The following RNF115 variants were observed in gnomAD, a reference collection of about 807,000 sequenced individuals.
The protein encoded by RNF115 is ring finger protein 115, also known as E3 ubiquitin-protein ligase RNF115.
A neutral mutation model predicts 39.2 loss-of-function variants in RNF115; 31 were observed. The ratio of observed to expected loss-of-function variants is 0.79; its 90% CI spans 0.59 to 1.07. The LOEUF (loss-of-function observed/expected upper bound fraction) is 1.07. RNF115 is among the 50% of genes least tolerant of loss of function. The pLI, the probability that RNF115 is intolerant of heterozygous loss-of-function variation, is 0.00. For synonymous variants in RNF115, 124 were observed against 131.0 expected, an observed-to-expected ratio of 0.95 and a Z score of 0.37; for missense variants, 384 against 381.7, an observed-to-expected ratio of 1.01 and a Z score of -0.05.
At chr1:145,775,858 C>T (rs1647860847) in intron 3 of RNF115, among the ~76,000 whole-genome samples, 1 of 151,754 alleles carries the variant, frequency 6.6e-6, no homozygotes, top group African/African-American at 2.4e-5. Context: ...ATTAGCCGGG[C>T]ATGGTGGCAT....
intron 1 of RNF115, among the ~76,000 whole-genome samples, chr1:145,789,700 C>CTT (rs67276251): frequency 5.1e-3 from 443 of 86,742 alleles, no homozygotes; most frequent in Middle Eastern, 0.012. Context: ...ACCCGGACTT[C>CTT]TTTTTTTTTT....
chr1:145,808,472 C>A (rs1649554750), intron 1 of RNF115, among the ~76,000 whole-genome samples: 1 of 152,106 alleles, frequency 6.6e-6, no homozygotes, highest in East Asian at 1.9e-4. Context: ...TACCTGTTGG[C>A]CATTTATATG....
Position 145,743,837 on chromosome 1 carries a change from TC to T in RNF115, c.*3028del, listed in dbSNP as rs1657776012. On this transcript the variant is annotated 3_prime_UTR_variant, in exon 9 of 9. Transcript: ENST00000582693. ...AAATAATAATAATAATAATAATAAA[TC>T]CCTGAAGAATCCTAACTCCTCAACA... 1.3e-5 allele frequency: 2 copies of T among 148,306 alleles called. No individual in the cohort carries two copies. The highest frequency in any genetic ancestry group is 6.7e-5 in the Admixed American group (1 of 14,840). 9.2% of individuals were successfully genotyped at this position (148,306 alleles called of 1,614,324 possible).
chr1:145,791,272 G>A lies in RNF115; in HGVS notation c.103-2306C>T, dbSNP rs1005129913. Reference sequence around the variant, plus strand: ...TCATGCCTGTAATCCCAGCACTTTCGGAGGCCAGGCAGGCAGATCACCTGA... The same window carrying A: ...TCATGCCTGTAATCCCAGCACTTTCAGAGGCCAGGCAGGCAGATCACCTGA... On this transcript the variant is annotated intron_variant, in intron 1 of 8. Transcript: ENST00000582693. Among the ~76,000 whole-genome samples, 11 of 151,754 alleles carry A rather than the reference G, an allele frequency of 7.2e-5. No homozygotes were observed. In the South Asian group the frequency reaches 8.3e-4, roughly 12 times the overall value.
chr1:145,823,604 G>A (rs1243282706), intron 1 of RNF115, among the ~76,000 whole-genome samples, 168 bp downstream of exon 1: 1 of 152,206 alleles, frequency 6.6e-6, no homozygotes, highest in African/African-American at 2.4e-5. Context: ...CGGGGCCGAG[G>A]CCGTGATGCC....
chr1:145,793,626 TCA>T (rs34785428), intron 1 of RNF115, among the ~76,000 whole-genome samples: 1 of 150,062 alleles, frequency 6.7e-6, no homozygotes, highest in South Asian at 2.1e-4. Flanking sequence ...ATGCTTTTTC[TCA>T]CACACACACA....
rs1553711811 is a variant in RNF115 at position 145,746,896 on chromosome 1, G to A, written c.885C>T (p.Asp295=). 6.2e-7 allele frequency: 1 copy of A among 1,614,014 alleles called. No individual in the cohort carries two copies. Among genetic ancestry groups the A allele is most frequent in the Admixed American group, 1.7e-5 (1 of 60,004 alleles). The change falls in exon 9 of 9, where the codon GAC becomes GAT. Residue 295 remains aspartate, a synonymous_variant. Coordinates refer to ENST00000582693, the MANE Select transcript of RNF115 (RefSeq NM_014455.4). ...AAGTCCATCGGTCATGTAGCTGACT[G>A]TCATTGCTAAATCTGTTGCTTGCAG... is the stretch of plus-strand genomic sequence containing the variant. ...EASASNRFSN[D]SQLHDRWTF
Position 145,823,789 on chromosome 1 carries a change from C to G in RNF115, c.85G>C (p.Val29Leu). The change falls in exon 1 of 9, where the codon GTC (valine) becomes CTC (leucine). Residue 29 changes from valine to leucine, a missense_variant. Transcript: ENST00000582693. The stretch of plus-strand genomic sequence containing the variant: ...GCTCTTACCGGTAGTTTGGGGCTGA[C>G]CTCGCCCTTGCAAAAGTGGCAGAAA... ...RFFCHFCKGE[V>L]SPKLPEYICP... 1 of 1,582,036 alleles carries G rather than the reference C, an allele frequency of 6.3e-7. No homozygotes were observed. Among genetic ancestry groups the G allele is most frequent in the Non-Finnish European group, 8.6e-7 (1 of 1,167,458 alleles).
intron 4 of RNF115, among the ~76,000 whole-genome samples, chr1:145,756,552 G>A (rs782776147): frequency 2.0e-5 from 3 of 151,994 alleles, no homozygotes; most frequent in Non-Finnish European, 4.4e-5. Flanking sequence ...GCTTAAGGGT[G>A]TTATGTTAGT....
intron 3 of RNF115, among the ~76,000 whole-genome samples, chr1:145,774,777 T>C (rs1284481993): frequency 1.3e-5 from 2 of 152,260 alleles, no homozygotes; most frequent in African/African-American, 4.8e-5. Flanking sequence ...TTATCTTGTT[T>C]CATGTCTTTT....
intron 1 of RNF115, among the ~76,000 whole-genome samples, chr1:145,803,844 T>A (rs958278445): frequency 2.0e-5 from 3 of 152,176 alleles, no homozygotes; most frequent in Admixed American, 2.0e-4. Context: ...ACAAGCTTGA[T>A]CAGATGGTCA....
intron 1 of RNF115, among the ~76,000 whole-genome samples, chr1:145,808,988 C>T (rs1649579418): frequency 6.6e-6 from 1 of 152,158 alleles, no homozygotes. Context: ...CAAAGCCCAT[C>T]AGCTGTTTAT....
chr1:145,765,421 AAAAAAAAAATT>A (rs1658732165), intron 4 of RNF115, among the ~76,000 whole-genome samples: 1 of 152,080 alleles, frequency 6.6e-6, no homozygotes, highest in African/African-American at 2.4e-5. Context: ...ATCAATAAAA[AAAAAAAAAATT>A]AAAAAAAAAT....
chr1:145,748,119 G>A lies in RNF115; in HGVS notation c.668-9C>T. The A allele has an allele frequency of 6.3e-7, 1 of 1,582,996 alleles. No individual in the cohort carries two copies. Among genetic ancestry groups the A allele is most frequent in the Non-Finnish European group, 8.7e-7 (1 of 1,152,060 alleles). Reference sequence around the variant, plus strand: ...ACACTCTAAACCCATATCTGTTGAAGAAGGAAATGCCTTTTAAAGTAAACA... The same window carrying A: ...ACACTCTAAACCCATATCTGTTGAAAAAGGAAATGCCTTTTAAAGTAAACA... On this transcript the variant is annotated splice_polypyrimidine_tract_variant and intron_variant, in intron 7 of 8. Coordinates refer to ENST00000582693, the MANE Select transcript of RNF115 (RefSeq NM_014455.4).
At chr1:145,800,958 C>G (rs1456512192) in intron 1 of RNF115, among the ~76,000 whole-genome samples, 1 of 152,096 alleles carries the variant, frequency 6.6e-6, no homozygotes, top group Non-Finnish European at 1.5e-5. Context: ...ATCACAAAGT[C>G]AGGAGATCGA....
At chr1:145,791,386 C>G (rs191932590) in intron 1 of RNF115, among the ~76,000 whole-genome samples, 27 of 151,306 alleles carry the variant, frequency 1.8e-4, no homozygotes, top group African/African-American at 5.6e-4. Flanking sequence ...GTGGCACATG[C>G]CTGTAATCCC....
intron 5 of RNF115, 62 bp from the exon 6 acceptor site, chr1:145,751,572 G>GA: frequency 7.4e-6 from 9 of 1,220,574 alleles, no homozygotes; most frequent in African/African-American, 1.5e-5. Flanking sequence ...TTACACCACA[G>GA]AAAAAAATTG....
At chr1:145,779,071 AG>A (rs1294737628) in intron 3 of RNF115, among the ~76,000 whole-genome samples, 1 of 152,230 alleles carries the variant, frequency 6.6e-6, no homozygotes, top group Non-Finnish European at 1.5e-5. Context: ...ACTCAGGTAA[AG>A]GAAGTATGAT....
chr1:145,787,042 A>G (rs1377881649), intron 2 of RNF115: 2 of 1,278,168 alleles, frequency 1.6e-6, no homozygotes, highest in Non-Finnish European at 2.0e-6. Context: ...CTGGTTGTGG[A>G]AGGGACCTTC....
Sources: allele counts gnomAD v4.1 joint callset (sites outside exome capture counted in the v4.1 genomes callset), GRCh38; gene constraint gnomAD v4.1.1; transcripts MANE v1.5; gene names NCBI Gene and HGNC (gene_info 2026-07-23, HGNC 2026-07-21).